Variants in ARHGEF3 observed in about 807,000 individuals in gnomAD.
ARHGEF3 encodes the protein 59.8 kDA protein.
A neutral mutation model predicts 63.2 loss-of-function variants in ARHGEF3; 28 were observed. That is an observed-to-expected ratio of 0.44 (90% CI 0.33 to 0.61). ARHGEF3 has a LOEUF of 0.61. ARHGEF3 is among the 20% of genes least tolerant of loss of function. The pLI is 0.03. For missense variants in ARHGEF3, 533 were observed against 659.3 expected (o/e 0.81, Z 2.10); for synonymous variants, 266 against 254.2 (o/e 1.05, Z -0.44).
At chr3:56,897,865 CTATTTT>C (rs1389588162) in intron 3 of ARHGEF3, among the ~76,000 whole-genome samples, 2 of 151,846 alleles carry the variant, frequency 1.3e-5, no homozygotes, top group East Asian at 3.9e-4. Context: ...ATGCCCGGCC[CTATTTT>C]TATTTATTTA....
chr3:56,792,415 T>C (rs1027877910), intron 1 of ARHGEF3, among the ~76,000 whole-genome samples: 1 of 152,170 alleles, frequency 6.6e-6, no homozygotes, highest in African/African-American at 2.4e-5. Context: ...CCAGAGGCCA[T>C]GGTCATGGAG....
intron 4 of ARHGEF3, among the ~76,000 whole-genome samples, chr3:56,868,245 T>C (rs1348148228): frequency 6.6e-6 from 1 of 152,158 alleles, no homozygotes; most frequent in Non-Finnish European, 1.5e-5. Flanking sequence ...CCACAAAGTA[T>C]AATTTCTCAA....
chr3:56,802,610 T>G (rs1195593041), upstream of ARHGEF3, among the ~76,000 whole-genome samples: 2 of 152,170 alleles, frequency 1.3e-5, no homozygotes, highest in African/African-American at 2.4e-5. Context: ...TTTCCCACTT[T>G]GCACCAACTT....
At chr3:56,794,253 C>T (rs1031969065) in intron 1 of ARHGEF3, among the ~76,000 whole-genome samples, 6 of 151,824 alleles carry the variant, frequency 4.0e-5, no homozygotes, top group Non-Finnish European at 5.9e-5. Flanking sequence ...TTTGGGAGGC[C>T]GAGGGGGGTG....
intron 1 of ARHGEF3, among the ~76,000 whole-genome samples, chr3:56,790,061 A>G (rs2107913199): frequency 6.6e-6 from 1 of 152,358 alleles, no homozygotes; most frequent in East Asian, 1.9e-4. Context: ...CTCATTCCAG[A>G]AACAGACTCT....
At chr3:56,996,793 G>C (rs2318020) in intron 2 of ARHGEF3, among the ~76,000 whole-genome samples, 148,085 of 152,098 alleles carry the variant, frequency 0.97, 72,203 homozygotes, top group East Asian at 1. Flanking sequence ...CCAAGCTTGT[G>C]CAACCTGTGG....
intron 4 of ARHGEF3, among the ~76,000 whole-genome samples, chr3:56,810,284 CT>C (rs1192990231): frequency 1.3e-5 from 2 of 152,272 alleles, no homozygotes; most frequent in East Asian, 3.9e-4. Context: ...TGGCTTACCC[CT>C]GTCATCTCAG....
At chr3:56,954,362 G>A (rs1338429977) in intron 3 of ARHGEF3, among the ~76,000 whole-genome samples, 2 of 152,106 alleles carry the variant, frequency 1.3e-5, no homozygotes, top group Non-Finnish European at 2.9e-5. Context: ...CACAAGGAAG[G>A]GTGGAAATTC....
intron 2 of ARHGEF3, among the ~76,000 whole-genome samples, chr3:57,002,462 CTATATATATATATATGT>C (rs1702243003): frequency 1.8e-4 from 7 of 38,674 alleles, no homozygotes; most frequent in African/African-American, 7.8e-4. Context: ...GTTCTAAGCA[CTATATATATATATATGT>C]TATATATATA....
At chr3:56,730,626 C>A (rs2033080278) in intron 9 of ARHGEF3, among the ~76,000 whole-genome samples, 1 of 152,122 alleles carries the variant, frequency 6.6e-6, no homozygotes, top group Non-Finnish European at 1.5e-5. Context: ...GGTGATCCAC[C>A]CACCTCAGCC....
At chr3:57,003,158 C>T (rs942626504) in intron 2 of ARHGEF3, among the ~76,000 whole-genome samples, 3 of 151,500 alleles carry the variant, frequency 2.0e-5, no homozygotes, top group Non-Finnish European at 2.9e-5. Context: ...ATAATCCCAG[C>T]TCTTTGGGAG....
chr3:57,031,286 G>A (rs1292839669), intron 2 of ARHGEF3, among the ~76,000 whole-genome samples: 1 of 152,150 alleles, frequency 6.6e-6, no homozygotes, highest in Non-Finnish European at 1.5e-5. Context: ...ATGAGAAATT[G>A]TGTTTACTGA....
At chr3:57,013,549 A>T (rs1018322042) in intron 2 of ARHGEF3, among the ~76,000 whole-genome samples, 7 of 152,148 alleles carry the variant, frequency 4.6e-5, no homozygotes, top group Non-Finnish European at 7.4e-5. Context: ...TAAATGCACC[A>T]ATCAGTTCTC....
intron 3 of ARHGEF3, among the ~76,000 whole-genome samples, chr3:56,899,887 C>T (rs1000952470): frequency 3.3e-5 from 5 of 152,198 alleles, no homozygotes. Flanking sequence ...TCTGCCCAGT[C>T]ATGGATTAAA....
chr3:56,949,810 C>A (rs1024352700), intron 3 of ARHGEF3, among the ~76,000 whole-genome samples: 5 of 152,018 alleles, frequency 3.3e-5, no homozygotes, highest in African/African-American at 1.2e-4. Context: ...CAAAAAGGAG[C>A]CTGCATTGCC....
chr3:56,838,939 A>G (rs1033583654), intron 4 of ARHGEF3, among the ~76,000 whole-genome samples: 3 of 139,202 alleles, frequency 2.2e-5, no homozygotes, highest in South Asian at 2.5e-4. Flanking sequence ...AGACCAGCCT[A>G]GGCAACATAG....
intron 1 of ARHGEF3, among the ~76,000 whole-genome samples, chr3:57,035,652 TACC>T (rs1195014663): frequency 3.3e-5 from 5 of 152,202 alleles, no homozygotes; most frequent in Non-Finnish European, 4.4e-5. Context: ...CTCCGCCAGG[TACC>T]ACATTTTCCA....
chr3:56,759,468 C>G (rs1242454221), intron 2 of ARHGEF3, among the ~76,000 whole-genome samples: 2 of 152,228 alleles, frequency 1.3e-5, no homozygotes, highest in East Asian at 1.9e-4. Context: ...CGCGCCTGGC[C>G]GAGAATGTTT....
chr3:57,047,746 T>G (rs977203481), intron 1 of ARHGEF3, among the ~76,000 whole-genome samples: 2 of 152,044 alleles, frequency 1.3e-5, no homozygotes, highest in African/African-American at 4.8e-5. Context: ...ATGCTGTCGA[T>G]TTTGGGAGCT....
Sources: gnomAD v4.1 joint callset for allele counts (sites outside exome capture counted in the v4.1 genomes callset) on GRCh38, gnomAD v4.1.1 for gene constraint, MANE v1.5 for transcripts, NCBI Gene and HGNC (gene_info 2026-07-23, HGNC 2026-07-21) for gene names.